Variants in RYR3 observed in about 807,000 individuals in gnomAD.
RYR3 encodes brain ryanodine receptor-calcium release channel.
A neutral mutation model predicts 584.3 loss-of-function variants in RYR3; 207 were observed. The ratio of observed to expected loss-of-function variants is 0.35; its 90% CI spans 0.32 to 0.40. The LOEUF is 0.40. Among genes scored for constraint, RYR3 ranks in the 10% least tolerant of loss-of-function variants. The pLI is 1.00. For missense variants in RYR3, 5,616 were observed against 6,089.2 expected, an observed-to-expected ratio of 0.92 and a Z score of 2.59; for synonymous variants, 2,416 against 2,248.5, an observed-to-expected ratio of 1.07 and a Z score of -2.11.
At chr15:33,799,248 C>G (rs1296098152) in intron 67 of RYR3, among the ~76,000 whole-genome samples, 1 of 152,140 alleles carries the variant, frequency 6.6e-6, no homozygotes, top group East Asian at 1.9e-4. Context: ...TGAGTTTATT[C>G]TAATGAGGTG....
intron 31 of RYR3, among the ~76,000 whole-genome samples, chr15:33,649,473 A>G (rs1364721226): frequency 6.6e-6 from 1 of 152,208 alleles, no homozygotes; most frequent in African/African-American, 2.4e-5. Flanking sequence ...GAAAATATAG[A>G]CAGAGAATGG....
At chr15:33,526,387 G>A (rs2596218) in intron 3 of RYR3, among the ~76,000 whole-genome samples, 131,984 of 152,128 alleles carry the variant, frequency 0.87, 57,980 homozygotes, top group African/African-American at 0.97. Flanking sequence ...CCTTCTGCCA[G>A]TGGTAATAGC....
chr15:33,806,629 C>G (rs918480588), intron 69 of RYR3, among the ~76,000 whole-genome samples: 4 of 152,162 alleles, frequency 2.6e-5, no homozygotes, highest in Admixed American at 2.6e-4. Context: ...GAATCTGTAG[C>G]CCCAACCTAA....
chr15:33,826,810 C>T, intron 84 of RYR3, 58 bp downstream of exon 84: 2 of 1,258,854 alleles, frequency 1.6e-6, no homozygotes, highest in Non-Finnish European at 2.3e-6. Flanking sequence ...AACTAGAATT[C>T]CGTTCAGTAT....
At position 33,853,581 on chromosome 15, in the gene RYR3, C is replaced by T. The variant is rs368476028; in HGVS notation, c.13698C>T (p.Tyr4566=). Residue 4566 remains tyrosine, a synonymous_variant, in exon 96 of 104, where the codon TAC becomes TAT. Coordinates refer to ENST00000634891, the MANE Select transcript of RYR3 (RefSeq NM_001036.6). ...RKVINKYGDL[Y]GAERIAELLG... ...TGATCAACAAGTATGGAGATCTCTACGGAGCAGAACGCATTGCTGAACTTC... is the reference window on the plus strand; with the variant it reads ...TGATCAACAAGTATGGAGATCTCTATGGAGCAGAACGCATTGCTGAACTTC... 5.7e-5 allele frequency: 92 copies of T among 1,613,880 alleles called. 1 individual carries two copies. The highest frequency in any genetic ancestry group is 4.0e-4 in the African/African-American group (30 of 75,012).
chr15:33,471,386 G>GT (rs1357578219), intron 1 of RYR3, among the ~76,000 whole-genome samples: 1 of 152,286 alleles, frequency 6.6e-6, no homozygotes, highest in East Asian at 1.9e-4. Context: ...GCAGGTTATT[G>GT]TATCAGTTTC....
chr15:33,501,943 T>C (rs2052027111), intron 2 of RYR3, among the ~76,000 whole-genome samples: 1 of 152,156 alleles, frequency 6.6e-6, no homozygotes, highest in African/African-American at 2.4e-5. Flanking sequence ...TCTGTTACAA[T>C]CTCTTCTTAG....
chr15:33,447,078 G>A (rs1257394097), intron 1 of RYR3, among the ~76,000 whole-genome samples: 4 of 152,208 alleles, frequency 2.6e-5, no homozygotes, highest in Non-Finnish European at 5.9e-5. Flanking sequence ...GCCAAAGGCC[G>A]TTTTCAACTT....
intron 1 of RYR3, among the ~76,000 whole-genome samples, chr15:33,393,895 A>G (rs1470642389): frequency 6.6e-6 from 1 of 152,222 alleles, no homozygotes; most frequent in African/African-American, 2.4e-5. Flanking sequence ...GAGGCATTCT[A>G]TGATACGATA....
rs533731231 is a variant in RYR3, at chr15:33,760,837, A to G, written c.8705+3241A>G. On this transcript the variant is annotated intron_variant, in intron 60 of 103. Coordinates refer to ENST00000634891, the MANE Select transcript of RYR3 (RefSeq NM_001036.6). The stretch of plus-strand genomic sequence containing the variant: ...ACATGCACCTATTCTAAAATTGACC[A>G]CATAATTGGAAGTAAAGCACTCCTC... Among the ~76,000 whole-genome samples the G allele has an allele frequency of 2.0e-5, 3 of 152,336 alleles. No individual in the cohort carries two copies. The East Asian group carries it at 5.8e-4, about 29-fold the overall frequency.
intron 21 of RYR3, 50 bp from the exon 22 acceptor site, chr15:33,629,890 T>C: frequency 9.8e-7 from 1 of 1,016,028 alleles, no homozygotes; most frequent in Non-Finnish European, 1.5e-6. Flanking sequence ...TCCCATGCAG[T>C]GCCAGCTGGT....
At chr15:33,692,131 T>G (rs1001833117) in intron 38 of RYR3, among the ~76,000 whole-genome samples, 3 of 152,228 alleles carry the variant, frequency 2.0e-5, no homozygotes, top group African/African-American at 7.2e-5. Context: ...TCATCAGATA[T>G]ACAGGTATAT....
intron 67 of RYR3, among the ~76,000 whole-genome samples, chr15:33,792,321 C>T (rs2075210478): frequency 6.6e-6 from 1 of 152,132 alleles, no homozygotes; most frequent in African/African-American, 2.4e-5. Context: ...TGAACTTACC[C>T]AAACCTGCTG....
At chr15:33,410,490 A>G (rs1467101337) in intron 1 of RYR3, among the ~76,000 whole-genome samples, 1 of 152,260 alleles carries the variant, frequency 6.6e-6, no homozygotes, top group Non-Finnish European at 1.5e-5. Flanking sequence ...ATTCAAACTC[A>G]GGACCAGTCA....
chr15:33,505,621 A>C (rs572185059), intron 3 of RYR3, among the ~76,000 whole-genome samples: 9 of 152,262 alleles, frequency 5.9e-5, no homozygotes, highest in South Asian at 2.1e-4. Flanking sequence ...CCTCCTGAGT[A>C]GCTGGGACTA....
chr15:33,563,484 A>G (rs2057527428), intron 11 of RYR3, among the ~76,000 whole-genome samples: 1 of 152,218 alleles, frequency 6.6e-6, no homozygotes, highest in African/African-American at 2.4e-5. Flanking sequence ...CACAGAGTGT[A>G]TCTTGATTTG....
At chr15:33,693,192 C>T (rs978226341) in intron 38 of RYR3, among the ~76,000 whole-genome samples, 2 of 152,208 alleles carry the variant, frequency 1.3e-5, no homozygotes, top group East Asian at 1.9e-4. Flanking sequence ...CTTCTTACTA[C>T]GTAAGTAATA....
intron 46 of RYR3, 136 bp downstream of exon 46, chr15:33,726,642 T>C: frequency 1.1e-6 from 1 of 892,260 alleles, no homozygotes; most frequent in Non-Finnish European, 1.6e-6. Context: ...TCTCACTCTT[T>C]TTCCTGTGAT....
At chr15:33,484,240 T>G (rs2050218570) in intron 2 of RYR3, among the ~76,000 whole-genome samples, 1 of 151,752 alleles carries the variant, frequency 6.6e-6, no homozygotes, top group Non-Finnish European at 1.5e-5. Flanking sequence ...GTTTTAAGGT[T>G]GTAAAGAAAA....
Sources: allele counts gnomAD v4.1 joint callset (sites outside exome capture counted in the v4.1 genomes callset), GRCh38; gene constraint gnomAD v4.1.1; transcripts MANE v1.5; gene names NCBI Gene and HGNC (gene_info 2026-07-23, HGNC 2026-07-21).